ERN2: variants seen among roughly 807,000 people sequenced by gnomAD.
ERN2 encodes endoplasmic reticulum to nucleus signaling 2.
Under a neutral mutation model 107.9 loss-of-function variants are expected in ERN2, and 111 were observed. The ratio of observed to expected loss-of-function variants is 1.03; its 90% CI spans 0.88 to 1.20. ERN2 has a LOEUF of 1.20. Ranked by LOEUF, ERN2 falls within the 50% of genes most tolerant of loss-of-function variation. ERN2 has a pLI of 0.00. For synonymous variants in ERN2, 524 were observed against 501.7 expected (o/e 1.04, Z -0.59); for missense variants, 1,225 against 1,197.9 (o/e 1.02, Z -0.33).
intron 5 of ERN2, 31 bp downstream of exon 5, chr16:23,706,976 C>T (rs764820946): frequency 5.0e-6 from 8 of 1,607,252 alleles, no homozygotes; most frequent in South Asian, 1.1e-5. Flanking sequence ...GCTGGCTGAA[C>T]CTGGACCCCA....
chr16:23,706,945 A>C, intron 5 of ERN2, 62 bp downstream of exon 5: 1 of 1,584,126 alleles, frequency 6.3e-7, no homozygotes, highest in Non-Finnish European at 8.7e-7. Context: ...ATTAGCCGTC[A>C]CGACTTAGAT....
Position 23,694,929 on chromosome 16 carries a change from T to A in ERN2, c.1901-2A>T. On this transcript the variant is annotated splice_acceptor_variant, in intron 16 of 21. Coordinates refer to ENST00000256797, the MANE Select transcript of ERN2 (RefSeq NM_033266.4). LOFTEE classifies it high-confidence loss of function. Reference sequence around the variant, plus strand: ...TTCCTGGCTTCAGGTCCCGGTGCACTGTGGGAGAGGGGCAGAAAGAAAGCT... The same window carrying A: ...TTCCTGGCTTCAGGTCCCGGTGCACAGTGGGAGAGGGGCAGAAAGAAAGCT... 1 of 1,614,022 alleles carries A rather than the reference T, an allele frequency of 6.2e-7. No homozygotes were observed. Among genetic ancestry groups the A allele is most frequent in the Non-Finnish European group, 8.5e-7 (1 of 1,179,938 alleles).
Position 23,691,207 on chromosome 16 carries a change from G to C in ERN2, c.2501-11C>G, listed in dbSNP as rs759044351. The C allele has an allele frequency of 6.2e-7, 1 of 1,613,874 alleles. No homozygotes were observed. The highest frequency in any genetic ancestry group is 8.5e-7 in the Non-Finnish European group (1 of 1,179,934). ...GGAACTTTCTCAGATCTGTGGACAGGGAATTCAGTGGCAAAACCGTCCCTG... is the reference window on the plus strand; with the variant it reads ...GGAACTTTCTCAGATCTGTGGACAGCGAATTCAGTGGCAAAACCGTCCCTG... On this transcript the variant is annotated splice_polypyrimidine_tract_variant and intron_variant, in intron 20 of 21. Transcript: ENST00000256797.
chr16:23,704,962 G>A lies in ERN2; in HGVS notation c.775C>T (p.Arg259Cys), dbSNP rs760085023. 1.4e-5 allele frequency: 23 copies of A among 1,613,808 alleles called. No homozygotes were observed. Among genetic ancestry groups the A allele is most frequent in the South Asian group, 7.7e-5 (7 of 91,086 alleles). ...GCAGGCAGTCGGATGTGGCCCCAGC[G>A]GAGGGCGAGGAAATGCAGAGTGTCT... Reference protein sequence around the residue: ...ARDTLHFLALRWGHIRLPASG... With the variant: ...ARDTLHFLALCWGHIRLPASG... The change falls in exon 8 of 22, where the codon CGC becomes TGC. Residue 259 changes from arginine (R) to cysteine (C), a missense_variant. Coordinates refer to ENST00000256797, the MANE Select transcript of ERN2 (RefSeq NM_033266.4).
At position 23,690,948 on chromosome 16, in the gene ERN2, C is replaced by T. The variant is rs1018062954; in HGVS notation, c.2664G>A (p.Arg888=). ...TGGCTCGGTGCGTGTGGAGGAGCAG[C>T]CGTGGGAAGCGGTTTGTGAAGTACT... is the stretch of plus-strand genomic sequence containing the variant. The part of the protein sequence containing the change: ...FVQYFTNRFP[R]LLLHTHRAMR... The change falls in exon 22 of 22, where the codon CGG becomes CGA. Residue 888 remains arginine (R), a synonymous_variant. Transcript: ENST00000256797. 1.2e-6 allele frequency: 2 copies of T among 1,613,998 alleles called. No homozygotes were observed. Among genetic ancestry groups the T allele is most frequent in the African/African-American group, 2.7e-5 (2 of 74,928 alleles).
At chr16:23,697,565 T>C (rs2141009541) in intron 13 of ERN2, among the ~76,000 whole-genome samples, 1 of 152,266 alleles carries the variant, frequency 6.6e-6, no homozygotes, top group East Asian at 1.9e-4. Context: ...AGTAAACACT[T>C]GCTTAGAGTT....
rs749606410 is a variant in ERN2, at chr16:23,692,314, G to A, written c.2118C>T (p.Ile706=). Reference sequence around the variant, plus strand: ...AGTAGAACACGCAGCCTGCAGAGAAGATGTCCACAGCGCTGGTCTGGAGCC... The same window carrying A: ...AGTAGAACACGCAGCCTGCAGAGAAAATGTCCACAGCGCTGGTCTGGAGCC... The part of the protein sequence containing the change: ...PPDSPTSAVD[I]FSAGCVFYYV... The change falls in exon 18 of 22, where the codon ATC becomes ATT. Residue 706 remains isoleucine, a synonymous_variant. Coordinates refer to ENST00000256797, the MANE Select transcript of ERN2 (RefSeq NM_033266.4). The A allele has an allele frequency of 3.7e-6, 6 of 1,613,532 alleles. No homozygotes were observed. The highest frequency in any genetic ancestry group is 5.1e-6 in the Non-Finnish European group (6 of 1,180,034).
At chr16:23,697,483 G>A (rs1227893233) in intron 13 of ERN2, among the ~76,000 whole-genome samples, 1 of 152,216 alleles carries the variant, frequency 6.6e-6, no homozygotes, top group East Asian at 1.9e-4. Flanking sequence ...ACCCTTCTGG[G>A]CCCTCTTTGT....
intron 13 of ERN2, among the ~76,000 whole-genome samples, chr16:23,699,559 G>A (rs1465812141): frequency 2.6e-5 from 4 of 152,148 alleles, no homozygotes; most frequent in Non-Finnish European, 5.9e-5. Flanking sequence ...GAGTAGCTGG[G>A]ACTGCAGGTG....
Position 23,711,009 on chromosome 16 carries a change from G to C in ERN2, c.103C>G (p.Leu35Val), listed in dbSNP as rs139816512. The C allele has an allele frequency of 6.2e-7, 1 of 1,613,232 alleles. No homozygotes were observed. The highest frequency in any genetic ancestry group is 1.7e-5 in the Admixed American group (1 of 60,008). ...ACCAGCAGGAGGTTCTCTGGCCTGA[G>C]AGTATGAACCTGCAAGGGGGTAGAG... ...LGTLSPQVHT[L>V]RPENLLLVST... is the part of the protein sequence containing the mutation. The change falls in exon 2 of 22, where the codon CTC becomes GTC. Residue 35 changes from leucine to valine, a missense_variant. Coordinates refer to ENST00000256797, the MANE Select transcript of ERN2 (RefSeq NM_033266.4).
At chr16:23,710,862 C>T in intron 2 of ERN2, 51 bp downstream of exon 2, 1 of 1,307,516 alleles carries the variant, frequency 7.6e-7, no homozygotes, top group Non-Finnish European at 1.1e-6. Flanking sequence ...GTGACTATCC[C>T]TTCACCAATC....
chr16:23,696,892 A>G (rs1005537534), intron 13 of ERN2: 1 of 152,114 alleles, frequency 6.6e-6, no homozygotes, highest in Non-Finnish European at 1.5e-5. Context: ...AGTAAATGAA[A>G]ATCAGCATTA....
chr16:23,694,890 G>T lies in ERN2; in HGVS notation c.1938C>A (p.Thr646=). Residue 646 remains threonine, a synonymous_variant, in exon 17 of 22, where the codon ACC becomes ACA. Transcript: ENST00000256797. ...RDLKPGNILI[T]GPDSQGLGRV... is the part of the protein sequence containing the mutation. ...TGCCCAGGCCCTGGCTGTCAGGCCC[G>T]GTGATGAGAATATTTCCTGGCTTCA... is the stretch of plus-strand genomic sequence containing the variant. The T allele has an allele frequency of 1.2e-6, 2 of 1,614,208 alleles. No homozygotes were observed. Among genetic ancestry groups the T allele is most frequent in the Non-Finnish European group, 1.7e-6 (2 of 1,180,024 alleles).
Position 23,695,302 on chromosome 16 carries a change from C to CCCAACTG in ERN2, c.1697_1698insCAGTTGG (p.Gln566HisfsTer6). 6.2e-7 allele frequency: 1 copy of CCCAACTG among 1,613,944 alleles called. No individual in the cohort carries two copies. The highest frequency in any genetic ancestry group is 8.5e-7 in the Non-Finnish European group (1 of 1,179,978). On this transcript the variant is annotated frameshift_variant, in exon 15 of 22. Coordinates refer to ENST00000256797, the MANE Select transcript of ERN2 (RefSeq NM_033266.4). LOFTEE classifies it high-confidence loss of function. ...GCACGTTGGGGTGCCTGTCAGACTC[C>CCCAACTG]TGCAGCAGTTGAACTTCCCGCCGAA...
rs757203310 is a variant in ERN2, at chr16:23,691,003, G to A, written c.2609C>T (p.Ala870Val). 1 of 1,614,198 alleles carries A rather than the reference G, an allele frequency of 6.2e-7. No individual in the cohort carries two copies. The highest frequency in any genetic ancestry group is 2.2e-5 in the East Asian group (1 of 44,878). The change falls in exon 22 of 22, where the codon GCA (alanine) becomes GTA (valine). Residue 870 changes from alanine to valine, a missense_variant. By Grantham distance (64) the Ala-to-Val change is moderately conservative. Transcript: ENST00000256797. ...GAAGCCATCAGGGACTTGGCCGAGT[G>A]CCTGTCGCACCTCAACTGGGAGCTC... ...YRELPVEVRQALGQVPDGFVQ... is the reference protein window; with the variant it reads ...YRELPVEVRQVLGQVPDGFVQ...
intron 13 of ERN2, among the ~76,000 whole-genome samples, chr16:23,699,526 C>A (rs899602029): frequency 6.6e-6 from 1 of 152,150 alleles, no homozygotes; most frequent in Non-Finnish European, 1.5e-5. Context: ...TGGACTCAAG[C>A]GATCCTCCTG....
At chr16:23,697,918 G>C (rs897060147) in intron 13 of ERN2, among the ~76,000 whole-genome samples, 8 of 152,048 alleles carry the variant, frequency 5.3e-5, no homozygotes, top group African/African-American at 1.7e-4. Context: ...TCCATGCCTG[G>C]CTAATCTTTT....
At chr16:23,706,498 T>C (rs1960320898) in intron 6 of ERN2, 67 bp from the exon 7 acceptor site, 1 of 1,246,102 alleles carries the variant, frequency 8.0e-7, no homozygotes, top group Non-Finnish European at 1.1e-6. Context: ...CCAGGGGCCA[T>C]TTATCTTGCA....
chr16:23,692,605 A>G (rs1187541591), intron 17 of ERN2, among the ~76,000 whole-genome samples: 1 of 152,252 alleles, frequency 6.6e-6, no homozygotes, highest in African/African-American at 2.4e-5. Flanking sequence ...AGTGGGTGCC[A>G]TACATGAGGC....
Sources: gnomAD v4.1 joint callset for allele counts (sites outside exome capture counted in the v4.1 genomes callset) on GRCh38, gnomAD v4.1.1 for gene constraint, MANE v1.5 for transcripts, NCBI Gene and HGNC (gene_info 2026-07-23, HGNC 2026-07-21) for gene names.